THRAP3: variants seen among roughly 807,000 people sequenced by gnomAD.
The protein encoded by THRAP3 is thyroid hormone receptor-associated protein 3.
Under a neutral mutation model 101.0 loss-of-function variants are expected in THRAP3, and 16 were observed. The ratio of observed to expected loss-of-function variants is 0.16; its 90% CI spans 0.11 to 0.24. The LOEUF (loss-of-function observed/expected upper bound fraction) is 0.24. Among genes scored for constraint, THRAP3 ranks in the 10% least tolerant of loss-of-function variants. The pLI is 1.00. For synonymous variants in THRAP3, 407 were observed against 422.6 expected (o/e 0.96, Z 0.45); for missense variants, 989 against 1,202.7 (o/e 0.82, Z 2.63).
chr1:36,259,154 A>G (rs961524256), intron 1 of THRAP3, among the ~76,000 whole-genome samples: 1 of 152,230 alleles, frequency 6.6e-6, no homozygotes, highest in African/African-American at 2.4e-5. Flanking sequence ...CAGTGAAAGT[A>G]TCAGGTTACA....
intron 8 of THRAP3, among the ~76,000 whole-genome samples, chr1:36,294,795 C>T (rs997323272): frequency 6.6e-6 from 1 of 152,190 alleles, no homozygotes; most frequent in African/African-American, 2.4e-5. Context: ...AGATCTCGTC[C>T]TCCATGCCCC....
At chr1:36,292,206 C>CTGCAAAAG (rs902774340) in intron 6 of THRAP3, among the ~76,000 whole-genome samples, 1 of 147,692 alleles carries the variant, frequency 6.8e-6, no homozygotes, top group Non-Finnish European at 1.5e-5. Flanking sequence ...TTACGGGTTC[C>CTGCAAAAG]TGCAAAAGAG....
chr1:36,215,248 C>G, the THRAP3 span, among the ~76,000 whole-genome samples: 1 of 152,078 alleles, frequency 6.6e-6, no homozygotes, highest in Non-Finnish European at 1.5e-5. Context: ...CAAAAAAAAC[C>G]TTTTAATGGT....
chr1:36,270,107 G>T (rs1010666872), intron 2 of THRAP3, among the ~76,000 whole-genome samples: 2 of 152,128 alleles, frequency 1.3e-5, no homozygotes, highest in Non-Finnish European at 2.9e-5. Flanking sequence ...AAAATAAACA[G>T]GCTGGGCACA....
At chr1:36,282,326 C>T (rs1042927327) in intron 2 of THRAP3, among the ~76,000 whole-genome samples, 1 of 151,846 alleles carries the variant, frequency 6.6e-6, no homozygotes, top group Non-Finnish European at 1.5e-5. Context: ...TTTGCACTCC[C>T]TCCTGTCTTA....
chr1:36,249,008 C>G lies in THRAP3; in HGVS notation c.-134-10374C>G, dbSNP rs530798935. On this transcript the variant is annotated intron_variant, in intron 1 of 11. Transcript: ENST00000354618. ...CTCTTTCTCCTGGGTTCAAATGATT[C>G]TCCTGAGTAGCTGGGACTGTAGGCA... Among the ~76,000 whole-genome samples the G allele has an allele frequency of 6.6e-5, 10 of 150,434 alleles. No individual in the cohort carries two copies. The South Asian group carries it at 2.1e-3, about 32-fold the overall frequency.
At chr1:36,230,235 C>T (rs1028659073) in intron 1 of THRAP3, among the ~76,000 whole-genome samples, 1 of 151,978 alleles carries the variant, frequency 6.6e-6, no homozygotes, top group African/African-American at 2.4e-5. Flanking sequence ...TCTCCTGCCT[C>T]AGCCTCCCGA....
intron 11 of THRAP3, among the ~76,000 whole-genome samples, chr1:36,303,219 C>T (rs1480033995): frequency 6.6e-6 from 1 of 151,664 alleles, no homozygotes. Flanking sequence ...CTGCCTCGGC[C>T]TCCCAAAGTG....
At chr1:36,224,963 C>A (rs903967457) in intron 1 of THRAP3, 1 of 152,312 alleles carries the variant, frequency 6.6e-6, no homozygotes, top group Non-Finnish European at 1.5e-5. Flanking sequence ...CGCTTCCGTT[C>A]TTTCCAGCCT....
chr1:36,252,426 G>C (rs1220832709), intron 1 of THRAP3, among the ~76,000 whole-genome samples: 5 of 152,110 alleles, frequency 3.3e-5, no homozygotes, highest in African/African-American at 1.2e-4. Flanking sequence ...GCCTGGCCAA[G>C]GTTGATTCTT....
intron 7 of THRAP3, among the ~76,000 whole-genome samples, chr1:36,293,330 A>G (rs2124623384): frequency 6.6e-6 from 1 of 152,264 alleles, no homozygotes; most frequent in South Asian, 2.1e-4. Context: ...CGCCCAGCCT[A>G]ATGCTAGTTT....
intron 9 of THRAP3, among the ~76,000 whole-genome samples, chr1:36,297,354 T>A (rs1048841336): frequency 6.6e-6 from 1 of 152,164 alleles, no homozygotes; most frequent in East Asian, 1.9e-4. Flanking sequence ...GACTTTTTAA[T>A]CATGTGTCAC....
intron 5 of THRAP3, among the ~76,000 whole-genome samples, chr1:36,290,641 T>C (rs1235726880): frequency 6.6e-6 from 1 of 152,140 alleles, no homozygotes; most frequent in African/African-American, 2.4e-5. Flanking sequence ...AATTTTTGTA[T>C]TGTTAGTAGA....
chr1:36,268,528 A>G (rs909367816), intron 2 of THRAP3, among the ~76,000 whole-genome samples: 2 of 152,090 alleles, frequency 1.3e-5, no homozygotes, highest in Non-Finnish European at 2.9e-5. Flanking sequence ...GGATAGACCC[A>G]CCTTGCTGTG....
chr1:36,248,586 A>G (rs1453057612), intron 1 of THRAP3, among the ~76,000 whole-genome samples: 3 of 151,294 alleles, frequency 2.0e-5, no homozygotes, highest in Admixed American at 6.6e-5. Flanking sequence ...GACTACAGGC[A>G]TGCTTTATTT....
chr1:36,213,370 T>C, the THRAP3 span, among the ~76,000 whole-genome samples: 1 of 152,156 alleles, frequency 6.6e-6, no homozygotes, highest in East Asian at 1.9e-4. Context: ...GCCCAGGCAC[T>C]GTTCTAAGAC....
At chr1:36,218,114 C>T in the THRAP3 span, among the ~76,000 whole-genome samples, 49 of 152,264 alleles carry the variant, frequency 3.2e-4, no homozygotes, top group African/African-American at 1.1e-3. Context: ...CCTGTAATCC[C>T]AGCACTCTGG....
intron 8 of THRAP3, among the ~76,000 whole-genome samples, chr1:36,295,254 A>G (rs530588857): frequency 6.7e-4 from 102 of 151,966 alleles, no homozygotes; most frequent in Non-Finnish European, 1.3e-3. Flanking sequence ...AAAAAAAAGA[A>G]TAAACCTAGT....
chr1:36,208,957 A>G, the THRAP3 span, among the ~76,000 whole-genome samples: 7 of 125,128 alleles, frequency 5.6e-5, no homozygotes, highest in Admixed American at 9.6e-5. Flanking sequence ...GTGAGCCACC[A>G]TGTCCAGCCT....
Sources: gnomAD v4.1 joint callset for allele counts (sites outside exome capture counted in the v4.1 genomes callset) on GRCh38, gnomAD v4.1.1 for gene constraint, MANE v1.5 for transcripts, NCBI Gene and HGNC (gene_info 2026-07-23, HGNC 2026-07-21) for gene names.